The following CSMD1 variants were observed in gnomAD, a reference collection of about 807,000 sequenced individuals.
CSMD1 encodes CUB and sushi domain-containing protein 1.
In CSMD1, 213 loss-of-function variants were observed where a neutral mutation model predicts 417.5. That is an observed-to-expected ratio of 0.51 (90% confidence interval 0.46 to 0.57). The LOEUF is 0.57. CSMD1 is among the 20% of genes least tolerant of loss of function. CSMD1 has a pLI of 0.00. For synonymous variants in CSMD1, 2,862 were observed against 1,736.8 expected (o/e 1.65, Z -16.11); for missense variants, 6,923 against 4,529.7 (o/e 1.53, Z -15.17).
At chr8:4,217,460 C>T (rs1197686276) in intron 3 of CSMD1, among the ~76,000 whole-genome samples, 1 of 152,066 alleles carries the variant, frequency 6.6e-6, no homozygotes, top group Non-Finnish European at 1.5e-5. Flanking sequence ...TAGCTATACA[C>T]AGTGAATTAA....
chr8:4,912,122 C>CA (rs36194482), intron 1 of CSMD1, among the ~76,000 whole-genome samples: 13,296 of 84,534 alleles, frequency 0.16, 1,185 homozygotes, highest in African/African-American at 0.25. Context: ...AACATAGCTT[C>CA]AAAAAAAAAA....
At chr8:2,999,364 G>C (rs1023998580) in intron 53 of CSMD1, among the ~76,000 whole-genome samples, 1 of 151,940 alleles carries the variant, frequency 6.6e-6, no homozygotes, top group Non-Finnish European at 1.5e-5. Context: ...CCATCGGCCA[G>C]GCTCGTCTTG....
At chr8:4,727,149 G>C (rs998727496) in intron 1 of CSMD1, among the ~76,000 whole-genome samples, 1 of 152,000 alleles carries the variant, frequency 6.6e-6, no homozygotes, top group Non-Finnish European at 1.5e-5. Flanking sequence ...GGGACACTTC[G>C]CTCTCAATCC....
At chr8:2,954,908 T>G (rs1802893496) in intron 64 of CSMD1, among the ~76,000 whole-genome samples, 1 of 152,224 alleles carries the variant, frequency 6.6e-6, no homozygotes, top group Non-Finnish European at 1.5e-5. Context: ...AAACAAAACC[T>G]AAAGTCACTG....
intron 3 of CSMD1, among the ~76,000 whole-genome samples, chr8:4,179,403 C>T (rs1201397200): frequency 3.3e-5 from 5 of 152,112 alleles, no homozygotes; most frequent in Admixed American, 2.0e-4. Context: ...GGATCCCTTC[C>T]TTACACCCTA....
chr8:4,465,613 T>C lies in CSMD1; in HGVS notation c.303-45548A>G, dbSNP rs145923317. On this transcript the variant is annotated intron_variant, in intron 2 of 69. Transcript: ENST00000635120. ...CTTAGAAGTCAGACGTTGAGGATTA[T>C]TAAGTTAAGGCCTCAGTAGAACAAG... Among the ~76,000 whole-genome samples, 318 of 152,150 alleles carry C rather than the reference T, an allele frequency of 2.1e-3. 2 individuals are homozygous for C. The highest frequency in any genetic ancestry group is 7.4e-3 in the African/African-American group (308 of 41,530).
At chr8:4,218,100 C>T (rs140628477) in intron 3 of CSMD1, among the ~76,000 whole-genome samples, 2 of 152,264 alleles carry the variant, frequency 1.3e-5, no homozygotes, top group East Asian at 1.9e-4. Flanking sequence ...TTTTTGCAAT[C>T]GGACATTGGC....
At chr8:4,697,658 TGG>T (rs1297738442) in intron 1 of CSMD1, among the ~76,000 whole-genome samples, 1 of 152,154 alleles carries the variant, frequency 6.6e-6, no homozygotes, top group Non-Finnish European at 1.5e-5. Context: ...TATTAGTTGC[TGG>T]TTACACGATT....
chr8:3,425,370 A>T (rs1459808315), intron 12 of CSMD1, among the ~76,000 whole-genome samples: 1 of 151,996 alleles, frequency 6.6e-6, no homozygotes, highest in Non-Finnish European at 1.5e-5. Flanking sequence ...TGCGTGGATC[A>T]CGAGGTCAAG....
chr8:2,972,206 G>A (rs939262567), intron 57 of CSMD1, among the ~76,000 whole-genome samples: 1 of 151,840 alleles, frequency 6.6e-6, no homozygotes, highest in Non-Finnish European at 1.5e-5. Flanking sequence ...TACAATAAAG[G>A]CAGAAGTGGA....
At chr8:3,180,483 AT>A (rs1821254619) in intron 37 of CSMD1, among the ~76,000 whole-genome samples, 1 of 152,176 alleles carries the variant, frequency 6.6e-6, no homozygotes, top group Non-Finnish European at 1.5e-5. Context: ...GTATTTTTTA[AT>A]TACTCATAAA....
chr8:3,406,002 G>C (rs766171720), intron 15 of CSMD1, 25 bp downstream of exon 15: 22 of 1,606,704 alleles, frequency 1.4e-5, no homozygotes, highest in Non-Finnish European at 1.9e-5. Flanking sequence ...CAAAGGAGAA[G>C]AGCGGGGGGT....
At chr8:3,807,884 A>C (rs1800834956) in intron 5 of CSMD1, among the ~76,000 whole-genome samples, 3 of 152,166 alleles carry the variant, frequency 2.0e-5, no homozygotes, top group Non-Finnish European at 4.4e-5. Flanking sequence ...TACAAAAGCA[A>C]TCCCCTTCTT....
At chr8:3,886,111 T>C (rs1231362471) in intron 5 of CSMD1, among the ~76,000 whole-genome samples, 2 of 152,054 alleles carry the variant, frequency 1.3e-5, no homozygotes, top group Non-Finnish European at 2.9e-5. Flanking sequence ...AGCACAGTGC[T>C]GCGATCTCAG....
rs767418472 is a variant in CSMD1 at position 2,955,648 on chromosome 8, G to A, written c.9935C>T (p.Ser3312Phe). The change falls in exon 64 of 70, where the codon TCT (serine) becomes TTT (phenylalanine). Residue 3312 changes from serine to phenylalanine, a missense_variant. Coordinates refer to ENST00000635120, the MANE Select transcript of CSMD1 (RefSeq NM_033225.6). ...CHPGFFLAGG[S>F]EHRTCKADMK... ...GTCTGCTTTACATGTTCTGTGCTCA[G>A]ATCCCCCTGCGAGGAAAAAGCCTGG... 8.1e-6 allele frequency: 13 copies of A among 1,613,864 alleles called. No individual in the cohort carries two copies. The highest frequency in any genetic ancestry group is 1.1e-5 in the Non-Finnish European group (13 of 1,179,836).
At chr8:3,770,902 A>T (rs1048677946) in intron 5 of CSMD1, among the ~76,000 whole-genome samples, 3 of 152,194 alleles carry the variant, frequency 2.0e-5, no homozygotes, top group Non-Finnish European at 4.4e-5. Context: ...TTGCAGGATT[A>T]AATTAATCAT....
At chr8:4,929,664 A>G (rs916849681) in intron 1 of CSMD1, among the ~76,000 whole-genome samples, 1 of 152,182 alleles carries the variant, frequency 6.6e-6, no homozygotes, top group African/African-American at 2.4e-5. Flanking sequence ...ATCATTCTAC[A>G]CATCTCCCAG....
chr8:4,253,739 T>A (rs146874715), intron 3 of CSMD1, among the ~76,000 whole-genome samples: 1 of 151,248 alleles, frequency 6.6e-6, no homozygotes, highest in Non-Finnish European at 1.5e-5. Context: ...AATTTTCTGG[T>A]TGTTCAATTA....
chr8:3,045,245 G>T (rs1461595958), intron 50 of CSMD1, among the ~76,000 whole-genome samples: 1 of 152,162 alleles, frequency 6.6e-6, no homozygotes, highest in African/African-American at 2.4e-5. Context: ...TATCAAAAGA[G>T]TACTCACGAT....
Sources: allele counts gnomAD v4.1 joint callset (sites outside exome capture counted in the v4.1 genomes callset), GRCh38; gene constraint gnomAD v4.1.1; transcripts MANE v1.5; gene names NCBI Gene and HGNC (gene_info 2026-07-23, HGNC 2026-07-21).